Variants in NDUFAF6 observed in about 807,000 individuals in gnomAD.
NDUFAF6 encodes the protein NADH dehydrogenase (ubiquinone) complex I, assembly factor 6.
Under a neutral mutation model 40.8 loss-of-function variants are expected in NDUFAF6, and 45 were observed. That is an observed-to-expected ratio of 1.10 (90% CI 0.87 to 1.42). NDUFAF6 has a LOEUF of 1.42. NDUFAF6 is among the 40% of genes most tolerant of loss of function. The pLI, the probability that NDUFAF6 is intolerant of heterozygous loss-of-function variation, is 0.00. For synonymous variants in NDUFAF6, 185 were observed against 155.9 expected, an observed-to-expected ratio of 1.19 and a Z score of -1.39; for missense variants, 435 against 418.5, an observed-to-expected ratio of 1.04 and a Z score of -0.34.
At chr8:95,059,263 A>G (rs1832505993), downstream of NDUFAF6, among the ~76,000 whole-genome samples, 2 of 152,154 alleles carry the variant, frequency 1.3e-5, no homozygotes, top group Admixed American at 1.3e-4. Context: ...GCTATGAATT[A>G]GTGCCTACTT....
intron 2 of NDUFAF6, among the ~76,000 whole-genome samples, chr8:94,994,690 A>G (rs1826342549): frequency 6.6e-6 from 1 of 151,936 alleles, no homozygotes; most frequent in Non-Finnish European, 1.5e-5. Context: ...CAAATTAGCC[A>G]GGCATGATGG....
chr8:95,111,150 A>G (rs1809990997), intron 4 of NDUFAF6, among the ~76,000 whole-genome samples: 1 of 152,178 alleles, frequency 6.6e-6, no homozygotes, highest in Non-Finnish European at 1.5e-5. Context: ...TCTAACAAGT[A>G]GCATTGAGAT....
At chr8:94,921,261 C>T (rs866782145) in intron 1 of NDUFAF6, among the ~76,000 whole-genome samples, 6 of 152,314 alleles carry the variant, frequency 3.9e-5, no homozygotes, top group East Asian at 1.9e-4. Context: ...CCATAGTTCT[C>T]GAATCTTCAA....
downstream of NDUFAF6, among the ~76,000 whole-genome samples, chr8:95,108,224 T>G (rs948477034): frequency 2.6e-5 from 4 of 152,074 alleles, no homozygotes; most frequent in Admixed American, 1.3e-4. Context: ...GTATGTACAC[T>G]AAAGAATTGA....
Position 95,109,587 on chromosome 8 carries a change from TAGAGAGAGAGAG to T in NDUFAF6, n.345-5927_345-5916del, listed in dbSNP as rs71695882. Reference sequence around the variant, plus strand: ...AGAGATGTAGCGTTAGATAGATAGATAGAGAGAGAGAGAGAGAGAGAGAGAGAGAGAGACCTT... The same window carrying T: ...AGAGATGTAGCGTTAGATAGATAGATAGAGAGAGAGAGAGAGAGAGACCTT... On this transcript the variant is annotated intron_variant and non_coding_transcript_variant, in intron 4 of 5. Coordinates refer to the NDUFAF6 transcript ENST00000523184. Among the ~76,000 whole-genome samples the T allele has an allele frequency of 9.7e-3, 1,374 of 142,320 alleles. 12 individuals carry two copies. Among genetic ancestry groups the T allele is most frequent in the Non-Finnish European group, 0.015 (968 of 64,430 alleles). 93.4% of individuals were successfully genotyped at this position (142,320 alleles called of 152,430 possible). A position where few individuals can be genotyped will look rare whatever the true frequency, so the allele number is the denominator to read the frequency against.
intron 1 of NDUFAF6, among the ~76,000 whole-genome samples, chr8:94,904,310 A>C: frequency 2.0e-5 from 1 of 49,024 alleles, no homozygotes; most frequent in African/African-American, 9.9e-5. Context: ...CACCTGGCTA[A>C]TTTTTTTTGC....
At chr8:94,980,914 C>T (rs766160046) in exon 2 of NDUFAF6, 8 of 456,496 alleles carry the variant, frequency 1.8e-5, no homozygotes, top group East Asian at 1.4e-4. Flanking sequence ...TCAAGAGGAA[C>T]GGCACATGAC....
upstream of NDUFAF6, among the ~76,000 whole-genome samples, chr8:94,956,213 T>C (rs887084013): frequency 1.3e-5 from 2 of 152,202 alleles, no homozygotes; most frequent in African/African-American, 4.8e-5. Context: ...CTTGGCACTA[T>C]AGTAAGAGCT....
intron 1 of NDUFAF6, chr8:94,939,919 G>A (rs771859447): frequency 6.8e-6 from 11 of 1,614,170 alleles, no homozygotes; most frequent in Admixed American, 3.3e-5. Context: ...TGAGACCAGG[G>A]CAGGAGTTAT....
chr8:94,973,811 A>G (rs10081596), intron 1 of NDUFAF6, among the ~76,000 whole-genome samples: 100,082 of 149,392 alleles, frequency 0.67, 34,045 homozygotes, highest in East Asian at 0.79. Flanking sequence ...CTTGAGGCCC[A>G]GAGTTCAGGA....
In NDUFAF6 at chr8:94,911,754, G is replaced by A. The variant is rs146974682; in HGVS notation, c.-936+15827G>A. Among the ~76,000 whole-genome samples the A allele has an allele frequency of 9.3e-4, 142 of 152,312 alleles. 1 individual carries two copies. Among genetic ancestry groups the A allele is most frequent in the African/African-American group, 3.3e-3 (136 of 41,576 alleles). ...GATGTCTAAAGTTCAAGCTCACCTG[G>A]ATCATTTATTCTTAATTTAGACAAC... On this transcript the variant is annotated intron_variant, in intron 1 of 14. Transcript: ENST00000396113.
upstream of NDUFAF6, among the ~76,000 whole-genome samples, chr8:95,098,002 AGGT>A (rs574906644): frequency 5.3e-4 from 81 of 152,118 alleles, 1 homozygote; most frequent in South Asian, 7.3e-3. Context: ...ACAGTAAGAA[AGGT>A]GAGAGGAGTT....
At chr8:94,985,470 TATATATATATA>T (rs1825742358) in intron 2 of NDUFAF6, among the ~76,000 whole-genome samples, 3 of 910 alleles carry the variant, frequency 3.3e-3, no homozygotes, top group Non-Finnish European at 4.1e-3. Context: ...ACAATAATTA[TATATATATATA>T]TATATATATA....
rs149172498 is a variant in NDUFAF6, at chr8:94,965,959, C to A, written c.-199+7780C>A. Among the ~76,000 whole-genome samples the A allele has an allele frequency of 1.3e-4, 20 of 152,282 alleles. No individual in the cohort carries two copies. In the East Asian group the frequency reaches 3.7e-3, roughly 28 times the overall value. ...AACAAAGGCTGAGAAATAATGTTTG[C>A]TCACCCATGGTTACTCAGAAAGTGA... On this transcript the variant is annotated intron_variant, in intron 1 of 9. Transcript: ENST00000396111.
chr8:95,046,381 T>G (rs183366353), intron 5 of NDUFAF6, among the ~76,000 whole-genome samples: 1 of 152,348 alleles, frequency 6.6e-6, no homozygotes, highest in Admixed American at 6.5e-5. Context: ...AGATTTTTCT[T>G]TCTCTGCTTT....
At chr8:95,088,954 G>A (rs1587260847) in intron 2 of NDUFAF6, among the ~76,000 whole-genome samples, 2 of 151,752 alleles carry the variant, frequency 1.3e-5, no homozygotes, top group African/African-American at 4.8e-5. Flanking sequence ...TAGAGACAGG[G>A]TTTCACCATG....
intron 2 of NDUFAF6, among the ~76,000 whole-genome samples, chr8:94,948,784 G>A (rs577090123): frequency 1.3e-5 from 2 of 152,222 alleles, no homozygotes; most frequent in African/African-American, 4.8e-5. Flanking sequence ...GTGAGGAGGG[G>A]TGAGAGGAGG....
chr8:95,042,125 C>T (rs1023585152), intron 4 of NDUFAF6, among the ~76,000 whole-genome samples: 5 of 152,104 alleles, frequency 3.3e-5, no homozygotes, highest in African/African-American at 4.8e-5. Context: ...GTACTTGGAT[C>T]GGTGTCTAAA....
chr8:95,075,969 G>C, exon 10 of NDUFAF6: 1 of 292,228 alleles, frequency 3.4e-6, no homozygotes, highest in Middle Eastern at 1.3e-3. Context: ...AGGCTGGTGG[G>C]GTGGACTCCG....
Sources: gnomAD v4.1 joint callset for allele counts (sites outside exome capture counted in the v4.1 genomes callset) on GRCh38, gnomAD v4.1.1 for gene constraint, MANE v1.5 for transcripts, NCBI Gene and HGNC (gene_info 2026-07-23, HGNC 2026-07-21) for gene names.